The following IL2RB variants were observed in gnomAD, a reference collection of about 807,000 sequenced individuals.
The protein encoded by IL2RB is interleukin 2 receptor subunit beta.
Under a neutral mutation model 44.2 loss-of-function variants are expected in IL2RB, and 17 were observed. The ratio of observed to expected loss-of-function variants is 0.38; its 90% confidence interval spans 0.26 to 0.58. The LOEUF is 0.58. Ranked by LOEUF, IL2RB falls within the 20% of genes least tolerant of loss-of-function variation. IL2RB has a pLI of 0.63. For synonymous variants in IL2RB, 286 were observed against 297.9 expected (o/e 0.96, Z 0.41); for missense variants, 624 against 685.5 (o/e 0.91, Z 1.00).
intron 1 of IL2RB, among the ~76,000 whole-genome samples, chr22:37,158,131 G>A (rs568628185): frequency 1.2e-4 from 19 of 152,176 alleles, no homozygotes; most frequent in African/African-American, 4.3e-4. Flanking sequence ...TGTTGAACAC[G>A]TGTGTACAAA....
intron 1 of IL2RB, among the ~76,000 whole-genome samples, chr22:37,172,527 T>G (rs1233566129): frequency 6.6e-6 from 1 of 151,692 alleles, no homozygotes; most frequent in Non-Finnish European, 1.5e-5. Flanking sequence ...GCTGAGGTTT[T>G]GGGGGTGGGC....
At chr22:37,172,843 G>A (rs1923334878) in intron 1 of IL2RB, among the ~76,000 whole-genome samples, 1 of 152,132 alleles carries the variant, frequency 6.6e-6, no homozygotes, top group Non-Finnish European at 1.5e-5. Context: ...TGGCTGTGGG[G>A]CTGAGGGCAC....
At position 37,139,097 on chromosome 22, in the gene IL2RB, AC is replaced by A. The variant is rs770558387; in HGVS notation, c.388+19del. The stretch of plus-strand genomic sequence containing the variant: ...AGGTGCCCAGCCCTGCCCCAGCCCC[AC>A]CCTGGCTTCCTCACTCACGGTTCTC... On this transcript the variant is annotated intron_variant, in intron 5 of 9. Transcript: ENST00000216223. 8 of 1,530,556 alleles carry A rather than the reference AC, an allele frequency of 5.2e-6. No homozygotes were observed. The African/African-American group carries it at 1.1e-4, about 21-fold the overall frequency. The allele number at this position is 1,530,556 out of a possible 1,614,324, so 94.8% of individuals were successfully genotyped here.
At position 37,127,195 on chromosome 22, in the gene IL2RB, G is replaced by C. The variant is rs967964531; in HGVS notation, c.*901C>G. 2 of 152,070 alleles carry C rather than the reference G, an allele frequency of 1.3e-5. No individual in the cohort carries two copies. The highest frequency in any genetic ancestry group is 2.4e-5 in the African/African-American group (1 of 41,314). The allele number at this position is 152,070 out of a possible 1,614,324, so 9.4% of individuals were successfully genotyped here. On this transcript the variant is annotated 3_prime_UTR_variant, in exon 10 of 10. Coordinates refer to ENST00000216223, the MANE Select transcript of IL2RB (RefSeq NM_000878.5). Reference sequence around the variant, plus strand: ...AAGATGCAGCAGGCATCCACTTTGTGGGGGGATCTGTGCCCTTACTTGGGC... The same window carrying C: ...AAGATGCAGCAGGCATCCACTTTGTCGGGGGATCTGTGCCCTTACTTGGGC...
At chr22:37,170,707 G>A (rs1048012720) in intron 1 of IL2RB, among the ~76,000 whole-genome samples, 6 of 152,164 alleles carry the variant, frequency 3.9e-5, no homozygotes, top group African/African-American at 1.2e-4. Flanking sequence ...CTCACTGCAC[G>A]GGCCACACAC....
At chr22:37,130,520 A>G (rs1439913832) in intron 9 of IL2RB, among the ~76,000 whole-genome samples, 2 of 152,220 alleles carry the variant, frequency 1.3e-5, no homozygotes, top group African/African-American at 2.4e-5. Flanking sequence ...CCAGATGCAG[A>G]AAAGGTGGGG....
chr22:37,169,173 A>G (rs1275329005), intron 1 of IL2RB, among the ~76,000 whole-genome samples: 2 of 148,124 alleles, frequency 1.4e-5, no homozygotes, highest in African/African-American at 5.1e-5. Context: ...TTGCTTACAG[A>G]GAGGGGTTCT....
At chr22:37,139,667 T>C (rs1319078246) in intron 4 of IL2RB, among the ~76,000 whole-genome samples, 3 of 152,228 alleles carry the variant, frequency 2.0e-5, no homozygotes, top group African/African-American at 4.8e-5. Context: ...GAACTATACC[T>C]GTTTAACATT....
intron 1 of IL2RB, among the ~76,000 whole-genome samples, chr22:37,168,881 CTGCTTACAGAGGGGTTCT>C (rs1408418902): frequency 2.0e-5 from 3 of 152,220 alleles, no homozygotes; most frequent in Admixed American, 6.5e-5. Context: ...TATAGGGGTT[CTGCTTACAGAGGGGTTCT>C]TGCTTACAGA....
Position 37,144,188 on chromosome 22 carries a change from G to A in IL2RB, c.-16C>T. 6.5e-7 allele frequency: 1 copy of A among 1,549,460 alleles called. No homozygotes were observed. Among genetic ancestry groups the A allele is most frequent in the Non-Finnish European group, 8.7e-7 (1 of 1,145,912 alleles). On this transcript the variant is annotated 5_prime_UTR_variant, in exon 2 of 10. Transcript: ENST00000216223. ...GGGCCGCCATTACATCCACAGGGTG[G>A]AGCCGAGGAAGGAAGCCCTGGTGGG...
chr22:37,168,647 C>T (rs970255067), intron 1 of IL2RB, among the ~76,000 whole-genome samples: 3 of 152,208 alleles, frequency 2.0e-5, no homozygotes, highest in African/African-American at 7.2e-5. Flanking sequence ...CAGGAGGCAC[C>T]TGAGGAAGGC....
intron 8 of IL2RB, among the ~76,000 whole-genome samples, chr22:37,134,587 C>G (rs1296679383): frequency 6.6e-6 from 1 of 152,140 alleles, no homozygotes; most frequent in South Asian, 2.1e-4. Flanking sequence ...GCCTAGGTGA[C>G]AGAGTGAGAC....
At chr22:37,153,321 G>T (rs1417191003), upstream of IL2RB, among the ~76,000 whole-genome samples, 1 of 152,164 alleles carries the variant, frequency 6.6e-6, no homozygotes, top group Non-Finnish European at 1.5e-5. Flanking sequence ...ACTCCAAAAA[G>T]AGAATCAGGC....
intron 3 of IL2RB, chr22:37,142,844 T>G (rs753390039): frequency 2.3e-6 from 1 of 433,940 alleles, no homozygotes; most frequent in South Asian, 2.1e-5. Flanking sequence ...GATCCTTAAT[T>G]AGGCCTTCAG....
At chr22:37,149,048 G>C (rs1200961241) in intron 1 of IL2RB, among the ~76,000 whole-genome samples, 1 of 152,134 alleles carries the variant, frequency 6.6e-6, no homozygotes, top group Admixed American at 6.5e-5. Context: ...GGCTGTGGGG[G>C]AAGGAAGGGG....
At chr22:37,150,405 TC>T (rs1922437430), upstream of IL2RB, among the ~76,000 whole-genome samples, 1 of 152,134 alleles carries the variant, frequency 6.6e-6, no homozygotes, top group Non-Finnish European at 1.5e-5. Context: ...AGCCCCTTAC[TC>T]CGTTTAGCAT....
chr22:37,136,233 G>T lies in IL2RB; in HGVS notation c.698C>A (p.Pro233His). Reference protein sequence around the residue: ...WSQPLAFRTKPAALGKDTIPW... With the variant: ...WSQPLAFRTKHAALGKDTIPW... ...CCCTTGCCGCCCACCAGTACCTGCAGGCTTTGTCCTGAAGGCCAGGGGCTG... is the reference window on the plus strand; with the variant it reads ...CCCTTGCCGCCCACCAGTACCTGCATGCTTTGTCCTGAAGGCCAGGGGCTG... The change falls in exon 7 of 10, where the codon CCT becomes CAT. Residue 233 changes from proline (P) to histidine (H), a missense_variant. By Grantham distance (77) the Pro-to-His change is moderately conservative (BLOSUM62 -2). This residue lies in a region of IL2RB where 255 missense variants were observed against 339.9 expected (regional missense o/e 0.75). Coordinates refer to ENST00000216223, the MANE Select transcript of IL2RB (RefSeq NM_000878.5). 1 of 1,609,986 alleles carries T rather than the reference G, an allele frequency of 6.2e-7. No homozygotes were observed. The highest frequency in any genetic ancestry group is 2.0e-4 in the Middle Eastern group (1 of 4,964).
At chr22:37,170,236 A>G (rs1232087834) in intron 1 of IL2RB, among the ~76,000 whole-genome samples, 1 of 152,158 alleles carries the variant, frequency 6.6e-6, no homozygotes, top group Admixed American at 6.5e-5. Flanking sequence ...CCCTGAAGAA[A>G]ACCAAAGCAG....
At chr22:37,165,036 T>C (rs1459213756) in intron 1 of IL2RB, among the ~76,000 whole-genome samples, 1 of 152,084 alleles carries the variant, frequency 6.6e-6, no homozygotes, top group African/African-American at 2.4e-5. Context: ...TGCACAGAAG[T>C]TTGAGAGGCC....
Sources: allele counts gnomAD v4.1 joint callset (sites outside exome capture counted in the v4.1 genomes callset), GRCh38; gene constraint gnomAD v4.1.1; regional missense constraint gnomAD v4.1.1; transcripts MANE v1.5; gene names NCBI Gene and HGNC (gene_info 2026-07-23, HGNC 2026-07-21).